SPEF2: variants seen among roughly 807,000 people sequenced by gnomAD.
SPEF2 encodes the protein sperm flagella and cilia-associated protein 2.
A neutral mutation model predicts 224.6 loss-of-function variants in SPEF2; 187 were observed. That is an observed-to-expected ratio of 0.83 (90% CI 0.74 to 0.94). SPEF2 has a LOEUF of 0.94. SPEF2 is among the 40% of genes least tolerant of loss of function. The pLI is 0.00. For synonymous variants in SPEF2, 715 were observed against 707.3 expected (o/e 1.01, Z -0.17); for missense variants, 2,170 against 2,135.6 (o/e 1.02, Z -0.32).
intron 20 of SPEF2, among the ~76,000 whole-genome samples, chr5:35,718,836 A>G (rs1430343215): frequency 1.3e-5 from 2 of 152,180 alleles, no homozygotes; most frequent in Non-Finnish European, 2.9e-5. Context: ...CCCTAGATCC[A>G]ATTTTCCTGC....
chr5:35,710,255 T>C, intron 19 of SPEF2: 1 of 984,516 alleles, frequency 1.0e-6, no homozygotes, highest in Non-Finnish European at 1.2e-6. Context: ...TTTAAAATGC[T>C]TTTTAGAACT....
chr5:35,662,953 C>A (rs1749946799), intron 8 of SPEF2, among the ~76,000 whole-genome samples: 1 of 152,088 alleles, frequency 6.6e-6, no homozygotes, highest in Non-Finnish European at 1.5e-5. Flanking sequence ...ACTTTTAAAT[C>A]TATTAAGGTC....
intron 23 of SPEF2, among the ~76,000 whole-genome samples, chr5:35,751,403 A>G (rs968591747): frequency 2.0e-5 from 3 of 151,376 alleles, no homozygotes; most frequent in Admixed American, 2.0e-4. Context: ...AAAATCTCAC[A>G]TATCACCACT....
At position 35,692,627 on chromosome 5, in the gene SPEF2, T is replaced by G. The variant is rs372994067; in HGVS notation, c.1802T>G (p.Phe601Cys). ...DTLVQEAIQAFHDNEKVSEVL... is the reference protein window; with the variant it reads ...DTLVQEAIQACHDNEKVSEVL... ...CTTGTCCAAGAAGCTATCCAAGCAT[T>G]TCATGACAATGAAAAAGTCAGTGAG... The change falls in exon 12 of 37, where the codon TTT (phenylalanine) becomes TGT (cysteine). Residue 601 changes from phenylalanine (F) to cysteine (C), a missense_variant. Physicochemically the swap from Phe to Cys is radical, Grantham distance 205. Coordinates refer to ENST00000356031, the MANE Select transcript of SPEF2 (RefSeq NM_024867.4). 9.3e-6 allele frequency: 15 copies of G among 1,613,696 alleles called. No homozygotes were observed. In the African/African-American group the frequency reaches 2.0e-4, roughly 22 times the overall value.
At chr5:35,619,989 G>T (rs974251427) in intron 1 of SPEF2, among the ~76,000 whole-genome samples, 1 of 115,016 alleles carries the variant, frequency 8.7e-6, no homozygotes, top group Non-Finnish European at 1.9e-5. Flanking sequence ...GAGATGCCCC[G>T]TTCTAATGGA....
intron 15 of SPEF2, chr5:35,699,916 C>A (rs1738252187): frequency 6.5e-6 from 1 of 153,326 alleles, no homozygotes; most frequent in South Asian, 2.1e-4. Context: ...CAAATCTCAT[C>A]TTGAATTGTA....
intron 6 of SPEF2, among the ~76,000 whole-genome samples, chr5:35,652,031 T>A (rs1484831434): frequency 6.6e-6 from 1 of 152,226 alleles, no homozygotes; most frequent in African/African-American, 2.4e-5. Flanking sequence ...CAGCAACTAC[T>A]TCTTAAGAAA....
chr5:35,675,726 A>C (rs1751901362), intron 10 of SPEF2: 1 of 292,746 alleles, frequency 3.4e-6, no homozygotes, highest in African/African-American at 2.2e-5. Context: ...TCAACGTGTT[A>C]GCCAGGATTC....
intron 8 of SPEF2, among the ~76,000 whole-genome samples, chr5:35,659,602 A>G (rs1749430063): frequency 6.6e-6 from 1 of 152,180 alleles, no homozygotes; most frequent in African/African-American, 2.4e-5. Flanking sequence ...GTTTGGCTGT[A>G]TATAAAATGG....
chr5:35,654,074 A>G (rs2149436206), intron 6 of SPEF2, among the ~76,000 whole-genome samples: 1 of 151,608 alleles, frequency 6.6e-6, no homozygotes, highest in African/African-American at 2.4e-5. Context: ...AAGCCTGCCC[A>G]ACATGGTGAA....
intron 5 of SPEF2, among the ~76,000 whole-genome samples, chr5:35,649,069 T>C (rs1309710713): frequency 6.6e-6 from 1 of 151,822 alleles, no homozygotes; most frequent in Non-Finnish European, 1.5e-5. Flanking sequence ...CAAAAATGTA[T>C]GTCCTGACTC....
intron 30 of SPEF2, among the ~76,000 whole-genome samples, chr5:35,784,252 G>T (rs372640294): frequency 2.2e-4 from 34 of 151,426 alleles, no homozygotes; most frequent in African/African-American, 8.0e-4. Context: ...CTCAGCCTCC[G>T]GAGTAGCTGG....
intron 26 of SPEF2, among the ~76,000 whole-genome samples, chr5:35,769,758 G>A (rs982335996): frequency 2.6e-5 from 4 of 152,046 alleles, no homozygotes; most frequent in Admixed American, 2.6e-4. Flanking sequence ...TGGAGAAGGC[G>A]GGAACTGGCT....
intron 23 of SPEF2, 88 bp from the exon 24 acceptor site, chr5:35,753,536 G>A: frequency 1.3e-6 from 2 of 1,569,806 alleles, no homozygotes; most frequent in South Asian, 1.2e-5. Flanking sequence ...ACATTTTTAA[G>A]AGAGGCAAAG....
chr5:35,791,079 T>C (rs1344056922), intron 30 of SPEF2: 2 of 152,186 alleles, frequency 1.3e-5, no homozygotes, highest in African/African-American at 4.8e-5. Context: ...GTGGATTCTA[T>C]TAATGGCTGT....
intron 5 of SPEF2, 102 bp downstream of exon 5, chr5:35,646,909 TC>T: frequency 8.0e-7 from 1 of 1,252,778 alleles, no homozygotes; most frequent in Non-Finnish European, 1.1e-6. Context: ...ACATTTGCTT[TC>T]CAAATTATCT....
At chr5:35,810,395 T>C (rs1446393629) in intron 36 of SPEF2, among the ~76,000 whole-genome samples, 1 of 152,132 alleles carries the variant, frequency 6.6e-6, no homozygotes, top group Non-Finnish European at 1.5e-5. Context: ...GTATTTTTAG[T>C]AGAGATGGGG....
intron 24 of SPEF2, among the ~76,000 whole-genome samples, chr5:35,757,157 C>T (rs1408999749): frequency 1.4e-5 from 2 of 144,880 alleles, no homozygotes; most frequent in Non-Finnish European, 3.2e-5. Flanking sequence ...ATATTGTTTA[C>T]TAGTTATCAT....
chr5:35,636,975 CAAAAAAA>C (rs1168479903), intron 2 of SPEF2, among the ~76,000 whole-genome samples: 197 of 58,816 alleles, frequency 3.3e-3, no homozygotes, highest in Admixed American at 1.0e-2. Flanking sequence ...GACTCTGTCT[CAAAAAAA>C]AAAAAAAAAG....
Sources: gnomAD v4.1 joint callset for allele counts (sites outside exome capture counted in the v4.1 genomes callset) on GRCh38, gnomAD v4.1.1 for gene constraint, MANE v1.5 for transcripts, NCBI Gene and HGNC (gene_info 2026-07-23, HGNC 2026-07-21) for gene names.